Variants in BMPR1A observed in about 807,000 individuals in gnomAD.
The protein encoded by BMPR1A is bone morphogenetic protein receptor type-1A.
BMPR1A carries 7 observed loss-of-function variants against 66.0 expected under a neutral mutation model. The observed-to-expected ratio is 0.11, with a 90% CI of 0.06 to 0.20. The LOEUF (loss-of-function observed/expected upper bound fraction) is 0.20. BMPR1A is among the 10% of genes least tolerant of loss of function. BMPR1A has a pLI of 1.00. For missense variants in BMPR1A, 408 were observed against 669.1 expected, an observed-to-expected ratio of 0.61 and a Z score of 4.31; for synonymous variants, 200 against 229.7, an observed-to-expected ratio of 0.87 and a Z score of 1.17.
chr10:86,877,313 T>C (rs901280071), intron 3 of BMPR1A, among the ~76,000 whole-genome samples: 21 of 151,786 alleles, frequency 1.4e-4, no homozygotes, highest in African/African-American at 5.1e-4. Context: ...GTTCACGCCA[T>C]TCTCTTGCCT....
chr10:86,807,171 A>G (rs1461205748), intron 1 of BMPR1A, among the ~76,000 whole-genome samples: 4 of 152,172 alleles, frequency 2.6e-5, no homozygotes, highest in Non-Finnish European at 1.5e-5. Context: ...AAATGTATCT[A>G]GGAAATAGAC....
intron 1 of BMPR1A, among the ~76,000 whole-genome samples, chr10:86,778,542 A>C (rs1289265156): frequency 6.6e-6 from 1 of 152,230 alleles, no homozygotes; most frequent in East Asian, 1.9e-4. Flanking sequence ...TACAGTGATC[A>C]GATCAGGATA....
intron 2 of BMPR1A, among the ~76,000 whole-genome samples, chr10:86,856,456 G>A (rs1189153988): frequency 2.0e-5 from 3 of 152,114 alleles, no homozygotes; most frequent in South Asian, 2.1e-4. Context: ...TGTCCATGTC[G>A]TAGGTATGTC....
chr10:86,908,183 G>A (rs1843424045), intron 7 of BMPR1A, among the ~76,000 whole-genome samples: 1 of 152,106 alleles, frequency 6.6e-6, no homozygotes, highest in Non-Finnish European at 1.5e-5. Context: ...TAGCCCAAGC[G>A]ACAGAACAAG....
intron 1 of BMPR1A, among the ~76,000 whole-genome samples, chr10:86,799,457 TCTTC>T (rs914015617): frequency 1.1e-4 from 16 of 144,340 alleles, no homozygotes; most frequent in African/African-American, 4.1e-4. Flanking sequence ...ACATTTTCTT[TCTTC>T]CTTCCTTTCT....
At chr10:86,821,987 A>G (rs116511106) in intron 1 of BMPR1A, among the ~76,000 whole-genome samples, 4,046 of 152,144 alleles carry the variant, frequency 0.027, 179 homozygotes, top group African/African-American at 0.093. Context: ...TATTTTTTGT[A>G]GAGAGGGGTT....
chr10:86,794,340 G>A (rs756953730), intron 1 of BMPR1A, among the ~76,000 whole-genome samples: 1 of 152,068 alleles, frequency 6.6e-6, no homozygotes, highest in Admixed American at 6.6e-5. Flanking sequence ...CGTTAGGCAA[G>A]TTTCTTCTCT....
At chr10:86,844,990 G>C (rs541582996) in intron 2 of BMPR1A, among the ~76,000 whole-genome samples, 3 of 152,230 alleles carry the variant, frequency 2.0e-5, no homozygotes, top group South Asian at 2.1e-4. Flanking sequence ...TGGCCAGGCT[G>C]GTCTTGAACA....
At chr10:86,921,002 TGTGC>T (rs1564724784) in intron 10 of BMPR1A, among the ~76,000 whole-genome samples, 1 of 151,954 alleles carries the variant, frequency 6.6e-6, no homozygotes, top group African/African-American at 2.4e-5. Context: ...ATTATAGTCA[TGTGC>T]CACCAACCCT....
chr10:86,802,100 GC>G (rs928728928), intron 1 of BMPR1A, among the ~76,000 whole-genome samples: 3 of 152,052 alleles, frequency 2.0e-5, no homozygotes, highest in Admixed American at 6.6e-5. Flanking sequence ...CCATTGTCCA[GC>G]CCCATCTCCT....
chr10:86,799,121 T>C (rs1465228434), intron 1 of BMPR1A, among the ~76,000 whole-genome samples: 2 of 152,222 alleles, frequency 1.3e-5, no homozygotes, highest in Non-Finnish European at 2.9e-5. Context: ...GCTGTTTTTT[T>C]CAAAGGATAT....
intron 1 of BMPR1A, among the ~76,000 whole-genome samples, chr10:86,758,440 G>C (rs1336262870): frequency 7.1e-6 from 1 of 140,450 alleles, no homozygotes; most frequent in East Asian, 2.0e-4. Flanking sequence ...TAATTTTCCT[G>C]CTTAGTGGAG....
At chr10:86,809,838 A>G (rs1460341123) in intron 1 of BMPR1A, among the ~76,000 whole-genome samples, 1 of 151,642 alleles carries the variant, frequency 6.6e-6, no homozygotes, top group African/African-American at 2.4e-5. Flanking sequence ...TCTAATATGA[A>G]TTTGCCTGTT....
At position 86,919,261 on chromosome 10, in the gene BMPR1A, T is replaced by A; in HGVS notation, c.958T>A (p.Phe320Ile). The A allele has an allele frequency of 6.2e-7, 1 of 1,613,992 alleles. No individual in the cohort carries two copies. The highest frequency in any genetic ancestry group is 1.1e-5 in the South Asian group (1 of 91,080). ...CCATGAAAATGGATCTCTCTATGAC[T>A]TCCTGAAATGTGCTACACTGGACAC... ...DYHENGSLYD[F>I]LKCATLDTRA... Residue 320 changes from phenylalanine (F) to isoleucine (I), a missense_variant, in exon 10 of 13, where the codon TTC (phenylalanine) becomes ATC (isoleucine). By Grantham distance (21) the Phe-to-Ile change is conservative. This residue lies in a region of BMPR1A where 23 missense variants were observed against 17.2 expected (regional missense o/e 1.34). Coordinates refer to ENST00000372037, the MANE Select transcript of BMPR1A (RefSeq NM_004329.3).
chr10:86,880,949 G>A (rs1842977953), intron 3 of BMPR1A, among the ~76,000 whole-genome samples: 1 of 152,102 alleles, frequency 6.6e-6, no homozygotes, highest in South Asian at 2.1e-4. Flanking sequence ...ACCTGTACAT[G>A]CCAACACTTG....
At chr10:86,787,255 C>T (rs1370141696) in intron 1 of BMPR1A, among the ~76,000 whole-genome samples, 1 of 150,870 alleles carries the variant, frequency 6.6e-6, no homozygotes, top group African/African-American at 2.4e-5. Flanking sequence ...AACAACACAC[C>T]AGTAAAGAAA....
At chr10:86,783,072 C>T (rs183296237) in intron 1 of BMPR1A, among the ~76,000 whole-genome samples, 19 of 152,290 alleles carry the variant, frequency 1.2e-4, no homozygotes, top group African/African-American at 3.8e-4. Context: ...GATCCATCTT[C>T]ATTCTGTTGC....
At chr10:86,781,253 A>G (rs1250610179) in intron 1 of BMPR1A, among the ~76,000 whole-genome samples, 1 of 152,118 alleles carries the variant, frequency 6.6e-6, no homozygotes, top group African/African-American at 2.4e-5. Flanking sequence ...GCATATGGAT[A>G]TCCATTTTTC....
chr10:86,856,009 G>T, intron 2 of BMPR1A: 1 of 618,250 alleles, frequency 1.6e-6, no homozygotes, highest in Non-Finnish European at 3.1e-6. Flanking sequence ...AAATCTGGAT[G>T]CCTCTCACCG....
Sources: gnomAD v4.1 joint callset for allele counts (sites outside exome capture counted in the v4.1 genomes callset) on GRCh38, gnomAD v4.1.1 for gene constraint, gnomAD v4.1.1 regional missense constraint, MANE v1.5 for transcripts, NCBI Gene and HGNC (gene_info 2026-07-23, HGNC 2026-07-21) for gene names.